SNX7: variants seen among roughly 807,000 people sequenced by gnomAD.
SNX7 encodes sorting nexin 7.
In SNX7, 35 loss-of-function variants were observed where a neutral mutation model predicts 48.4. The ratio of observed to expected loss-of-function variants is 0.72; its 90% CI spans 0.55 to 0.96. The LOEUF (loss-of-function observed/expected upper bound fraction) is 0.96, where lower values mean the gene tolerates loss of function less well. Ranked by LOEUF, SNX7 falls within the 40% of genes least tolerant of loss-of-function variation. The pLI is 0.00. For synonymous variants in SNX7, 190 were observed against 190.2 expected, an observed-to-expected ratio of 1.00 and a Z score of 0.01; for missense variants, 553 against 548.9, an observed-to-expected ratio of 1.01 and a Z score of -0.07.
At chr1:98,678,503 T>C (rs1297997727) in intron 1 of SNX7, among the ~76,000 whole-genome samples, 1 of 152,228 alleles carries the variant, frequency 6.6e-6, no homozygotes. Flanking sequence ...GTTTTGTAAA[T>C]ACCAATCTTC....
chr1:98,686,784 T>G (rs1570513703), intron 2 of SNX7, among the ~76,000 whole-genome samples: 1 of 152,280 alleles, frequency 6.6e-6, no homozygotes, highest in South Asian at 2.1e-4. Flanking sequence ...TTGAATATGT[T>G]AATACAGGCA....
rs776028323 is a variant in SNX7, at chr1:98,695,538, G to A, written c.660G>A (p.Lys220=). 2 of 1,613,980 alleles carry A rather than the reference G, an allele frequency of 1.2e-6. No individual in the cohort carries two copies. The highest frequency in any genetic ancestry group is 8.5e-7 in the Non-Finnish European group (1 of 1,179,984). ...AQAWELSSHK[K]QGPGLLSRMG... The stretch of plus-strand genomic sequence containing the variant: ...TCTAGGAACTCTCTTCTCACAAGAA[G>A]CAAGGTCCTGGCTTGCTAAGCAGGA... The change falls in exon 5 of 9, where the codon AAG becomes AAA. Residue 220 remains lysine (K), a synonymous_variant. Transcript: ENST00000306121.
chr1:98,712,940 A>G lies in SNX7; in HGVS notation c.1125+11037A>G, dbSNP rs370628180. Among the ~76,000 whole-genome samples the G allele has an allele frequency of 4.6e-5, 7 of 152,132 alleles. No individual in the cohort carries two copies. The East Asian group carries it at 1.2e-3, about 25-fold the overall frequency. On this transcript the variant is annotated intron_variant, in intron 7 of 8. Coordinates refer to ENST00000306121, the MANE Select transcript of SNX7 (RefSeq NM_015976.5). The stretch of plus-strand genomic sequence containing the variant: ...AACCCTGTCTCTACTAAAAATAGAA[A>G]ATTAGCCAGACATAGTGGCACATGC...
chr1:98,682,397 A>AT (rs980470027), intron 1 of SNX7, among the ~76,000 whole-genome samples: 5 of 151,874 alleles, frequency 3.3e-5, no homozygotes, highest in African/African-American at 4.8e-5. Context: ...TTTAGATTCT[A>AT]TTTTTTTCTT....
chr1:98,725,396 T>G (rs1410127481), intron 7 of SNX7, among the ~76,000 whole-genome samples: 21 of 152,114 alleles, frequency 1.4e-4, no homozygotes, highest in Non-Finnish European at 5.9e-5. Context: ...AGGCAAATAT[T>G]TGCCTCTATG....
chr1:98,662,666 G>A (rs1649311890), intron 1 of SNX7: 4 of 1,288,796 alleles, frequency 3.1e-6, no homozygotes, highest in Non-Finnish European at 4.0e-6. Flanking sequence ...TTCTTAAAGG[G>A]TTTTAGAAAA....
At chr1:98,732,010 A>C (rs1232456484) in intron 7 of SNX7, among the ~76,000 whole-genome samples, 1 of 152,140 alleles carries the variant, frequency 6.6e-6, no homozygotes, top group African/African-American at 2.4e-5. Context: ...TGATGGTTCC[A>C]TTTAGGATTA....
intron 7 of SNX7, among the ~76,000 whole-genome samples, chr1:98,726,100 C>T (rs1447257037): frequency 1.3e-5 from 2 of 152,106 alleles, no homozygotes; most frequent in African/African-American, 4.8e-5. Context: ...CATAATCACA[C>T]CAGGGTGCCG....
Position 98,760,078 on chromosome 1 carries a change from C to A in SNX7, c.1303C>A (p.Leu435Ile). The A allele has an allele frequency of 6.2e-7, 1 of 1,608,370 alleles. No homozygotes were observed. The highest frequency in any genetic ancestry group is 8.5e-7 in the Non-Finnish European group (1 of 1,175,228). Residue 435 changes from leucine to isoleucine, a missense_variant, in exon 9 of 9, where the codon CTT becomes ATT. Physicochemically the swap from Leu to Ile is conservative, Grantham distance 5. Transcript: ENST00000306121. ...GTGCCTTGCTACGTGGGAGTCATTC[C>A]TTACATCACAGACCAACCTTCACTT... is the stretch of plus-strand genomic sequence containing the variant. ...EQCLATWESF[L>I]TSQTNLHLEE...
At chr1:98,711,837 G>A (rs1241029974) in intron 7 of SNX7, among the ~76,000 whole-genome samples, 1 of 152,164 alleles carries the variant, frequency 6.6e-6, no homozygotes, top group Non-Finnish European at 1.5e-5. Flanking sequence ...TTTACCCACA[G>A]AACTGCTTTT....
intron 7 of SNX7, among the ~76,000 whole-genome samples, chr1:98,704,988 T>C (rs551886668): frequency 6.6e-6 from 1 of 152,170 alleles, no homozygotes; most frequent in African/African-American, 2.4e-5. Flanking sequence ...TTTTGTGGCA[T>C]GCAAATACAA....
At chr1:98,674,639 A>G (rs1376018422) in intron 1 of SNX7, among the ~76,000 whole-genome samples, 3 of 152,208 alleles carry the variant, frequency 2.0e-5, no homozygotes, top group African/African-American at 7.2e-5. Context: ...TGAGGGAACA[A>G]TTCAACCCAT....
At chr1:98,751,381 A>G (rs1006144986) in intron 8 of SNX7, among the ~76,000 whole-genome samples, 1 of 152,006 alleles carries the variant, frequency 6.6e-6, no homozygotes, top group Non-Finnish European at 1.5e-5. Flanking sequence ...TTAATTTTCT[A>G]TGTATTCCAT....
chr1:98,695,372 A>T, intron 4 of SNX7, 146 bp from the exon 5 acceptor site: 4 of 706,098 alleles, frequency 5.7e-6, no homozygotes, highest in Non-Finnish European at 9.5e-6. Flanking sequence ...AATAAAGCTC[A>T]TCTGCTTCAA....
chr1:98,685,121 GAAGT>G, intron 2 of SNX7, 54 bp downstream of exon 2: 1 of 1,100,432 alleles, frequency 9.1e-7, no homozygotes, highest in East Asian at 2.6e-5. Context: ...TTAAGCTTTG[GAAGT>G]AAGTACCTCT....
chr1:98,713,512 T>A (rs11166076), intron 7 of SNX7, among the ~76,000 whole-genome samples: 32,164 of 152,084 alleles, frequency 0.21, 3,671 homozygotes, highest in East Asian at 0.31. Flanking sequence ...TTCCAAGAAC[T>A]TTTTCTTTGC....
chr1:98,739,430 G>A (rs1653960917), intron 8 of SNX7, among the ~76,000 whole-genome samples: 2 of 152,270 alleles, frequency 1.3e-5, no homozygotes, highest in Admixed American at 6.5e-5. Flanking sequence ...TGATATTGAT[G>A]TTTTTATTCA....
intron 4 of SNX7, among the ~76,000 whole-genome samples, chr1:98,692,903 C>T (rs924122107): frequency 2.6e-5 from 4 of 152,120 alleles, no homozygotes; most frequent in Non-Finnish European, 5.9e-5. Flanking sequence ...AAATGATAGA[C>T]TAGTATCCAC....
intron 7 of SNX7, among the ~76,000 whole-genome samples, chr1:98,702,668 A>C (rs1651810805): frequency 1.3e-5 from 2 of 152,176 alleles, no homozygotes; most frequent in African/African-American, 2.4e-5. Flanking sequence ...AATTTGCCTA[A>C]GTTTATATAT....
Sources: gnomAD v4.1 joint callset for allele counts (sites outside exome capture counted in the v4.1 genomes callset) on GRCh38, gnomAD v4.1.1 for gene constraint, MANE v1.5 for transcripts, NCBI Gene and HGNC (gene_info 2026-07-23, HGNC 2026-07-21) for gene names.